Variants in ZNF324 observed in about 807,000 individuals in gnomAD.
ZNF324 encodes the protein zinc finger protein 324.
Under a neutral mutation model 10.3 loss-of-function variants are expected in ZNF324, and 3 were observed. That is an observed-to-expected ratio of 0.29 (90% CI 0.13 to 0.75). The LOEUF (loss-of-function observed/expected upper bound fraction) is 0.75. Among genes scored for constraint, ZNF324 ranks in the 30% least tolerant of loss-of-function variants. ZNF324 has a pLI of 0.69. For synonymous variants in ZNF324, 430 were observed against 339.5 expected (o/e 1.27, Z -2.93); for missense variants, 763 against 784.4 (o/e 0.97, Z 0.33).
chr19:58,468,507 G>A (rs2053000718), intron 1 of ZNF324, among the ~76,000 whole-genome samples: 2 of 152,162 alleles, frequency 1.3e-5, no homozygotes, highest in South Asian at 2.1e-4. Flanking sequence ...GGCTGGATGA[G>A]CAGCCTGGAA....
intron 3 of ZNF324, 147 bp downstream of exon 3, chr19:58,469,991 G>A: frequency 1.5e-6 from 1 of 656,938 alleles, no homozygotes; most frequent in Non-Finnish European, 2.6e-6. Context: ...CCTGGAGGCT[G>A]CAGCCTTAGC....
At position 58,472,101 on chromosome 19, in the gene ZNF324, G is replaced by A. The variant is rs758401311; in HGVS notation, c.1609G>A (p.Glu537Lys). 8 of 1,596,120 alleles carry A rather than the reference G, an allele frequency of 5.0e-6. No homozygotes were observed. The highest frequency in any genetic ancestry group is 1.3e-5 in the African/African-American group (1 of 74,780). ...SSEGAPAKET[E>K]PTPASGPAAV... ...AGAAGGTGCGCCAGCGAAGGAAACC[G>A]AGCCCACTCCCGCCTCGGGCCCAGC... The change falls in exon 4 of 4, where the codon GAG (glutamate) becomes AAG (lysine). Residue 537 changes from glutamate (E) to lysine (K), a missense_variant. This residue lies in a region of ZNF324 where 231 missense variants were observed against 196.0 expected (regional missense o/e 1.18). Coordinates refer to ENST00000196482, the MANE Select transcript of ZNF324 (RefSeq NM_014347.3).
chr19:58,469,263 C>T lies in ZNF324; in HGVS notation c.78C>T (p.Tyr26=). 1 of 1,614,154 alleles carries T rather than the reference C, an allele frequency of 6.2e-7. No homozygotes were observed. Among genetic ancestry groups the T allele is most frequent in the Non-Finnish European group, 8.5e-7 (1 of 1,180,002 alleles). Residue 26 remains tyrosine, a synonymous_variant, in exon 2 of 4, where the codon TAC becomes TAT. Transcript: ENST00000196482. ...TGGACACAGCCCAGAGGGCCCTGTA[C>T]CGCCGCGTGATGCTAGACAACTTCG... The part of the protein sequence containing the change: ...GLLDTAQRAL[Y]RRVMLDNFAL...
chr19:58,471,263 C>G lies in ZNF324; in HGVS notation c.771C>G (p.Phe257Leu). Residue 257 changes from phenylalanine to leucine, a missense_variant, in exon 4 of 4, where the codon TTC becomes TTG. Transcript: ENST00000196482. ...GEALHAGEKS[F>L]ECRACSKVFV... ...CTCTTCACGCTGGGGAGAAGTCCTTCGAATGCAGGGCGTGCAGCAAAGTGT... is the reference window on the plus strand; with the variant it reads ...CTCTTCACGCTGGGGAGAAGTCCTTGGAATGCAGGGCGTGCAGCAAAGTGT... 6.2e-7 allele frequency: 1 copy of G among 1,613,604 alleles called. No homozygotes were observed.
intron 1 of ZNF324, chr19:58,467,865 CAT>C (rs1304090655): frequency 2.0e-5 from 3 of 151,924 alleles, no homozygotes; most frequent in African/African-American, 4.8e-5. Context: ...CGTCGGGAGA[CAT>C]AGAAGTTTTG....
chr19:58,475,265 T>G lies in ZNF324; in HGVS notation c.*3111T>G, dbSNP rs947028917. The G allele has an allele frequency of 1.3e-5, 2 of 151,896 alleles. No individual in the cohort carries two copies. Among genetic ancestry groups the G allele is most frequent in the Non-Finnish European group, 2.9e-5 (2 of 67,950 alleles). The allele number at this position is 151,896 out of a possible 1,614,324, so 9.4% of individuals were successfully genotyped here. On this transcript the variant is annotated 3_prime_UTR_variant, in exon 4 of 4. Coordinates refer to ENST00000196482, the MANE Select transcript of ZNF324 (RefSeq NM_014347.3). The stretch of plus-strand genomic sequence containing the variant: ...TATCCAAAGAAACCAAAACAGGCGG[T>G]GTAATTTAGGACTGACTAAGTAATG...
chr19:58,473,414 G>GAAGAAAA lies in ZNF324; in HGVS notation c.*1262_*1263insGAAAAAA, dbSNP rs1555790697. ...AAGGAAATTCATGTTCTCCTTAATG[G>GAAGAAAA]AAAAAAAAAAAAAAAGACTACCATC... On this transcript the variant is annotated 3_prime_UTR_variant, in exon 4 of 4. Coordinates refer to ENST00000196482, the MANE Select transcript of ZNF324 (RefSeq NM_014347.3). The GAAGAAAA allele has an allele frequency of 8.4e-6, 1 of 119,242 alleles. No individual in the cohort carries two copies. The highest frequency in any genetic ancestry group is 1.6e-5 in the Non-Finnish European group (1 of 60,880). The allele number at this position is 119,242 out of a possible 1,614,324, so 7.4% of individuals were successfully genotyped here. A position where few individuals can be genotyped will look rare whatever the true frequency, so the allele number is the denominator to read the frequency against.
chr19:58,469,895 C>A, intron 3 of ZNF324, 51 bp downstream of exon 3: 1 of 1,449,894 alleles, frequency 6.9e-7, no homozygotes, highest in Non-Finnish European at 9.5e-7. Flanking sequence ...TGTGGTCATG[C>A]CTCTGTCCCT....
chr19:58,470,683 C>A (rs1568611522), intron 3 of ZNF324, 48 bp from the exon 4 acceptor site: 1 of 1,612,198 alleles, frequency 6.2e-7, no homozygotes, highest in South Asian at 1.1e-5. Flanking sequence ...TGCCCTGGTC[C>A]TCTCCTAACC....
In ZNF324 at chr19:58,470,600, C is replaced by T. The variant is rs765868000; in HGVS notation, c.239-131C>T. On this transcript the variant is annotated intron_variant, in intron 3 of 3. Coordinates refer to ENST00000196482, the MANE Select transcript of ZNF324 (RefSeq NM_014347.3). ...CCAAACCCCAGCCCCTCCTGCAGGG[C>T]CAGCCTCACCTCTACTTTTCCCCTA... is the stretch of plus-strand genomic sequence containing the variant. The T allele has an allele frequency of 3.9e-5, 45 of 1,152,602 alleles. No individual in the cohort carries two copies. The African/African-American group carries it at 6.4e-4, about 16-fold the overall frequency. The allele number at this position is 1,152,602 out of a possible 1,614,324, so 71.4% of individuals were successfully genotyped here.
In ZNF324 at chr19:58,471,001, A is replaced by C. The variant is rs753409415; in HGVS notation, c.509A>C (p.Glu170Ala). The C allele has an allele frequency of 2.5e-6, 4 of 1,614,152 alleles. No individual in the cohort carries two copies. In the Admixed American group the frequency reaches 6.7e-5, roughly 27 times the overall value. The part of the protein sequence containing the change: ...LRLTSPLRPP[E>A]GVRLREKTLT... ...CTGACCTCCCCGCTTAGGCCTCCCGAGGGCGTCCGGCTTAGAGAAAAGACA... is the reference window on the plus strand; with the variant it reads ...CTGACCTCCCCGCTTAGGCCTCCCGCGGGCGTCCGGCTTAGAGAAAAGACA... The change falls in exon 4 of 4, where the codon GAG becomes GCG. Residue 170 changes from glutamate to alanine, a missense_variant. Glu to Ala is a moderately radical substitution (Grantham distance 107, BLOSUM62 -1). This residue lies in a region of ZNF324 where 379 missense variants were observed against 319.4 expected (regional missense o/e 1.19). Transcript: ENST00000196482.
Position 58,472,107 on chromosome 19 carries a change from A to C in ZNF324, c.1615A>C (p.Thr539Pro). The change falls in exon 4 of 4, where the codon ACT becomes CCT. Residue 539 changes from threonine to proline, a missense_variant. Thr to Pro is a conservative substitution (Grantham distance 38, BLOSUM62 -1). This residue lies in a region of ZNF324 where 231 missense variants were observed against 196.0 expected (regional missense o/e 1.18). Coordinates refer to ENST00000196482, the MANE Select transcript of ZNF324 (RefSeq NM_014347.3). ...EGAPAKETEP[T>P]PASGPAAVSQ... ...TGCGCCAGCGAAGGAAACCGAGCCC[A>C]CTCCCGCCTCGGGCCCAGCCGCCGT... 1 of 1,591,910 alleles carries C rather than the reference A, an allele frequency of 6.3e-7. No homozygotes were observed. Among genetic ancestry groups the C allele is most frequent in the Admixed American group, 1.7e-5 (1 of 59,540 alleles).
At position 58,474,910 on chromosome 19, in the gene ZNF324, C is replaced by G. The variant is rs780933121; in HGVS notation, c.*2756C>G. ...CGAAGAGGAGAGAGTTCCCACCAGGCTGACTCCAGAACCGCAGAAGGCTGA... is the reference window on the plus strand; with the variant it reads ...CGAAGAGGAGAGAGTTCCCACCAGGGTGACTCCAGAACCGCAGAAGGCTGA... On this transcript the variant is annotated 3_prime_UTR_variant, in exon 4 of 4. Coordinates refer to ENST00000196482, the MANE Select transcript of ZNF324 (RefSeq NM_014347.3). 3.3e-5 allele frequency: 5 copies of G among 152,302 alleles called. No individual in the cohort carries two copies. The highest frequency in any genetic ancestry group is 5.9e-5 in the Non-Finnish European group (4 of 68,054). The allele number at this position is 152,302 out of a possible 1,614,324, so 9.4% of individuals were successfully genotyped here. A position where few individuals can be genotyped will look rare whatever the true frequency, so the allele number is the denominator to read the frequency against.
chr19:58,471,608 A>G lies in ZNF324; in HGVS notation c.1116A>G (p.Ala372=), dbSNP rs756933080. The change falls in exon 4 of 4, where the codon GCA becomes GCG. Residue 372 remains alanine, a synonymous_variant. Transcript: ENST00000196482. ...IHAGGRPYAC[A]QCGRRFCRNS... ...CGGGTGGGCGTCCTTATGCTTGCGCACAGTGTGGCCGCCGCTTCTGCCGCA... is the reference window on the plus strand; with the variant it reads ...CGGGTGGGCGTCCTTATGCTTGCGCGCAGTGTGGCCGCCGCTTCTGCCGCA... 5.2e-5 allele frequency: 84 copies of G among 1,606,452 alleles called. 2 individuals carry two copies. In the South Asian group the frequency reaches 6.0e-4, roughly 11 times the overall value.
In ZNF324 at chr19:58,472,036, GC is replaced by G; in HGVS notation, c.1546del (p.Leu516CysfsTer49). The G allele has an allele frequency of 6.2e-7, 1 of 1,606,898 alleles. No individual in the cohort carries two copies. Among genetic ancestry groups the G allele is most frequent in the Non-Finnish European group, 8.5e-7 (1 of 1,179,626 alleles). ...GEKTVRRSRA[S>X]LHPQARSVAG... is the part of the protein sequence containing the mutation. ...AAGACCGTCCGGCGATCCAGGGCCA[GC>G]CTGCACCCCCAGGCCAGGTCTGTTG... On this transcript the variant is annotated frameshift_variant, in exon 4 of 4. Transcript: ENST00000196482. LOFTEE classifies it low-confidence loss of function (END_TRUNC).
rs759563645 is a variant in ZNF324 at position 58,471,755 on chromosome 19, C to T, written c.1263C>T (p.Gly421=). 3.1e-6 allele frequency: 5 copies of T among 1,612,818 alleles called. No homozygotes were observed. Among genetic ancestry groups the T allele is most frequent in the Non-Finnish European group, 3.4e-6 (4 of 1,179,688 alleles). Residue 421 remains glycine, a synonymous_variant, in exon 4 of 4, where the codon GGC becomes GGT. Coordinates refer to ENST00000196482, the MANE Select transcript of ZNF324 (RefSeq NM_014347.3). The part of the protein sequence containing the change: ...SLFKHQRVHT[G]EKPFACPQCG... ...TTAAGCACCAGCGCGTGCACACAGG[C>T]GAGAAGCCCTTCGCCTGCCCACAGT...
At position 58,471,119 on chromosome 19, in the gene ZNF324, C is replaced by T. The variant is rs765009639; in HGVS notation, c.627C>T (p.Ser209=). ...AGGTCCCTGGGAGAACCTTTGGGAG[C>T]GCCCAGGACCTGGAGGCTGCCGGCG... ...AQEVPGRTFG[S]AQDLEAAGGR... The change falls in exon 4 of 4, where the codon AGC becomes AGT. Residue 209 remains serine (S), a synonymous_variant. Coordinates refer to ENST00000196482, the MANE Select transcript of ZNF324 (RefSeq NM_014347.3). 9 of 1,613,718 alleles carry T rather than the reference C, an allele frequency of 5.6e-6. No individual in the cohort carries two copies. Among genetic ancestry groups the T allele is most frequent in the Non-Finnish European group, 5.9e-6 (7 of 1,180,046 alleles).
chr19:58,472,469 T>G lies in ZNF324; in HGVS notation c.*315T>G, dbSNP rs1205809902. The G allele has an allele frequency of 2.8e-6, 1 of 363,324 alleles. No individual in the cohort carries two copies. The highest frequency in any genetic ancestry group is 2.0e-5 in the African/African-American group (1 of 49,006). The allele number at this position is 363,324 out of a possible 1,614,324, so 22.5% of individuals were successfully genotyped here. On this transcript the variant is annotated 3_prime_UTR_variant, in exon 4 of 4. Transcript: ENST00000196482. ...AGCACTGCACTGTGGTGCGGCTTCA[T>G]GTGATATGACAGTGGATGCTAAGGT...
chr19:58,470,624 T>G lies in ZNF324; in HGVS notation c.239-107T>G, dbSNP rs563337908. On this transcript the variant is annotated intron_variant, in intron 3 of 3. Transcript: ENST00000196482. ...GCCAGCCTCACCTCTACTTTTCCCCTAAGCTTTTGTGCCAGCTCCGGGGTT... is the reference window on the plus strand; with the variant it reads ...GCCAGCCTCACCTCTACTTTTCCCCGAAGCTTTTGTGCCAGCTCCGGGGTT... 4.5e-5 allele frequency: 64 copies of G among 1,429,766 alleles called. No individual in the cohort carries two copies. In the African/African-American group the frequency reaches 8.7e-4, roughly 19 times the overall value. 88.6% of individuals were successfully genotyped at this position (1,429,766 alleles called of 1,614,324 possible).
Sources: allele counts gnomAD v4.1 joint callset (sites outside exome capture counted in the v4.1 genomes callset), GRCh38; gene constraint gnomAD v4.1.1; regional missense constraint gnomAD v4.1.1; transcripts MANE v1.5; gene names NCBI Gene and HGNC (gene_info 2026-07-23, HGNC 2026-07-21).